Variants in NID2 observed in about 807,000 individuals in gnomAD.
NID2 encodes nidogen 2.
NID2 carries 83 observed loss-of-function variants against 145.4 expected under a neutral mutation model. The observed-to-expected ratio is 0.57, with a 90% CI of 0.48 to 0.69. NID2 has a LOEUF of 0.69. Ranked by LOEUF, NID2 falls within the 30% of genes least tolerant of loss-of-function variation. The pLI is 0.00. For synonymous variants in NID2, 739 were observed against 701.3 expected, an observed-to-expected ratio of 1.05 and a Z score of -0.85; for missense variants, 1,807 against 1,765.7, an observed-to-expected ratio of 1.02 and a Z score of -0.42.
chr14:52,032,196 G>A (rs1891893721), intron 9 of NID2, among the ~76,000 whole-genome samples: 1 of 152,222 alleles, frequency 6.6e-6, no homozygotes, highest in South Asian at 2.1e-4. Context: ...GTGCATTCTT[G>A]TAGTGGAATA....
rs373311054 is a variant in NID2, at chr14:52,067,373, G to T, written c.534+485C>A. Reference sequence around the variant, plus strand: ...GTATGTGCAGTGTAAACTCATCATTGTTAATAGACAGCAATAAAGATATGC... The same window carrying T: ...GTATGTGCAGTGTAAACTCATCATTTTTAATAGACAGCAATAAAGATATGC... On this transcript the variant is annotated intron_variant, in intron 2 of 21. Transcript: ENST00000216286. Among the ~76,000 whole-genome samples, 326 of 152,290 alleles carry T rather than the reference G, an allele frequency of 2.1e-3. 2 individuals are homozygous for T. Among genetic ancestry groups the T allele is most frequent in the South Asian group, 3.1e-3 (15 of 4,834 alleles).
chr14:52,040,198 C>T (rs1457968380), intron 8 of NID2, among the ~76,000 whole-genome samples: 1 of 151,966 alleles, frequency 6.6e-6, no homozygotes, highest in Non-Finnish European at 1.5e-5. Flanking sequence ...ACCTTGGCCT[C>T]CCAAAGTGGT....
chr14:52,020,302 C>A, intron 12 of NID2, 124 bp from the exon 13 acceptor site: 1 of 1,477,194 alleles, frequency 6.8e-7, no homozygotes, highest in South Asian at 1.3e-5. Context: ...CTTCAGAAGA[C>A]CTTTGAGCAT....
At chr14:52,062,477 C>T (rs1206136539) in intron 2 of NID2, among the ~76,000 whole-genome samples, 1 of 152,110 alleles carries the variant, frequency 6.6e-6, no homozygotes, top group African/African-American at 2.4e-5. Flanking sequence ...ATAAGATAGT[C>T]GACATCATCA....
chr14:52,006,480 G>T (rs1214123863), intron 20 of NID2, 57 bp downstream of exon 20: 4 of 1,604,280 alleles, frequency 2.5e-6, no homozygotes, highest in Non-Finnish European at 3.4e-6. Flanking sequence ...AAAACAAGTG[G>T]TGTGTCCTCT....
intron 2 of NID2, among the ~76,000 whole-genome samples, chr14:52,066,250 T>C (rs1481085899): frequency 6.7e-6 from 1 of 149,096 alleles, no homozygotes; most frequent in South Asian, 2.1e-4. Flanking sequence ...ACATAGAGAG[T>C]AACAGGATGG....
At chr14:52,047,218 G>C (rs942906373) in intron 5 of NID2, among the ~76,000 whole-genome samples, 5 of 152,190 alleles carry the variant, frequency 3.3e-5, no homozygotes, top group African/African-American at 9.7e-5. Flanking sequence ...GGATGTGTAA[G>C]AGCTGTGCAA....
At chr14:52,046,501 CAAG>C (rs1453086001) in intron 5 of NID2, among the ~76,000 whole-genome samples, 1 of 151,998 alleles carries the variant, frequency 6.6e-6, no homozygotes, top group African/African-American at 2.4e-5. Flanking sequence ...AATTATGAAA[CAAG>C]GAGAGAGAAG....
At chr14:52,025,681 T>A (rs1193406623) in intron 12 of NID2, among the ~76,000 whole-genome samples, 1 of 152,004 alleles carries the variant, frequency 6.6e-6, no homozygotes, top group African/African-American at 2.4e-5. Flanking sequence ...GGGGGCTGAG[T>A]GTGCTAACAT....
At chr14:52,051,641 T>C (rs993180761) in intron 5 of NID2, among the ~76,000 whole-genome samples, 1 of 152,224 alleles carries the variant, frequency 6.6e-6, no homozygotes, top group African/African-American at 2.4e-5. Flanking sequence ...AAAGAAACAG[T>C]CACTGCATCC....
intron 12 of NID2, 90 bp from the exon 13 acceptor site, chr14:52,020,268 G>C: frequency 6.4e-7 from 1 of 1,565,482 alleles, no homozygotes; most frequent in Non-Finnish European, 8.7e-7. Context: ...TGGATATGTG[G>C]ATCAACACCC....
At chr14:52,045,068 C>G (rs905832316) in intron 5 of NID2, among the ~76,000 whole-genome samples, 2 of 152,100 alleles carry the variant, frequency 1.3e-5, no homozygotes, top group Non-Finnish European at 2.9e-5. Context: ...CTCCACGACC[C>G]CTTCAATGGG....
At chr14:52,043,104 T>A (rs1279453012) in intron 5 of NID2, among the ~76,000 whole-genome samples, 173 bp from the exon 6 acceptor site, 1 of 152,228 alleles carries the variant, frequency 6.6e-6, no homozygotes, top group East Asian at 1.9e-4. Context: ...CTTTGTCTGC[T>A]GGCAAGAAGA....
intron 15 of NID2, 21 bp from the exon 16 acceptor site, chr14:52,014,477 G>C: frequency 1.3e-6 from 2 of 1,588,382 alleles, no homozygotes; most frequent in Non-Finnish European, 1.7e-6. Flanking sequence ...GAGGGTGGGA[G>C]AGCAGGAAGG....
chr14:52,054,177 T>A lies in NID2; in HGVS notation c.912A>T (p.Thr304=), dbSNP rs756108389. The change falls in exon 4 of 22, where the codon ACA becomes ACT. Residue 304 remains threonine, a synonymous_variant. Coordinates refer to ENST00000216286, the MANE Select transcript of NID2 (RefSeq NM_007361.4). The part of the protein sequence containing the change: ...VPLGRSFSHA[T]ALESDYNEDN... ...CCTCATTATAGTCACTTTCCAGGGC[T>A]GTAGCATGGCTGAAGGAACGTCCCA... The A allele has an allele frequency of 6.2e-7, 1 of 1,614,154 alleles. No individual in the cohort carries two copies. Among genetic ancestry groups the A allele is most frequent in the Non-Finnish European group, 8.5e-7 (1 of 1,180,022 alleles).
chr14:52,068,152 G>A lies in NID2; in HGVS notation c.240C>T (p.Asn80=). Residue 80 remains asparagine (N), a synonymous_variant, in exon 2 of 22, where the codon AAC becomes AAT. Coordinates refer to ENST00000216286, the MANE Select transcript of NID2 (RefSeq NM_007361.4). ...ARFSNLYVGT[N]GIISTQDFPR... ...GGAAGTCCTGAGTGGAGATGATGCC[G>A]TTGGTGCCCACCTGGGAGAGGAGAG... The A allele has an allele frequency of 6.2e-7, 1 of 1,613,006 alleles. No individual in the cohort carries two copies. Among genetic ancestry groups the A allele is most frequent in the Non-Finnish European group, 8.5e-7 (1 of 1,179,822 alleles).
At chr14:52,037,893 A>C (rs972403752) in intron 9 of NID2, among the ~76,000 whole-genome samples, 1 of 152,188 alleles carries the variant, frequency 6.6e-6, no homozygotes, top group African/African-American at 2.4e-5. Context: ...TTTTGAAACA[A>C]TTTCTTAATC....
intron 5 of NID2, among the ~76,000 whole-genome samples, chr14:52,046,476 CT>C (rs1413797354): frequency 6.6e-6 from 1 of 152,102 alleles, no homozygotes; most frequent in Non-Finnish European, 1.5e-5. Context: ...CAACCCAATT[CT>C]TATTCTGAGG....
intron 18 of NID2, chr14:52,009,487 G>C (rs1365606025): frequency 6.6e-6 from 1 of 152,166 alleles, no homozygotes; most frequent in Non-Finnish European, 1.5e-5. Context: ...ATTGCAACCT[G>C]GTTCAAGGTG....
Sources: allele counts gnomAD v4.1 joint callset (sites outside exome capture counted in the v4.1 genomes callset), GRCh38; gene constraint gnomAD v4.1.1; transcripts MANE v1.5; gene names NCBI Gene and HGNC (gene_info 2026-07-23, HGNC 2026-07-21).